TBC1D1: variants seen among roughly 807,000 people sequenced by gnomAD.
The protein encoded by TBC1D1 is TBC1 domain family member 1, also known as TBC1 (tre-2/USP6, BUB2, cdc16) domain family, member 1.
In TBC1D1, 89 loss-of-function variants were observed where a neutral mutation model predicts 125.6. That is an observed-to-expected ratio of 0.71 (90% CI 0.60 to 0.85). The LOEUF (loss-of-function observed/expected upper bound fraction) is 0.85. TBC1D1 is among the 40% of genes least tolerant of loss of function. The probability of loss-of-function intolerance (pLI) is 0.00; values close to 1 mark genes in which losing one functional copy is unlikely to be tolerated. For missense variants in TBC1D1, 1,377 were observed against 1,469.2 expected (o/e 0.94, Z 1.03); for synonymous variants, 565 against 564.1 (o/e 1.00, Z -0.02).
chr4:38,051,688 G>C (rs1240699322), intron 11 of TBC1D1, among the ~76,000 whole-genome samples: 2 of 152,162 alleles, frequency 1.3e-5, no homozygotes, highest in African/African-American at 4.8e-5. Flanking sequence ...GTCAAGAACG[G>C]CCGTCAATAT....
chr4:37,922,082 CT>C (rs1301616613), intron 2 of TBC1D1, among the ~76,000 whole-genome samples: 2 of 151,998 alleles, frequency 1.3e-5, no homozygotes, highest in South Asian at 2.1e-4. Context: ...TACCCTTCCA[CT>C]TTTTTTTCCT....
At chr4:37,913,089 A>G (rs1473903639) in intron 2 of TBC1D1, among the ~76,000 whole-genome samples, 1 of 152,224 alleles carries the variant, frequency 6.6e-6, no homozygotes, top group Non-Finnish European at 1.5e-5. Context: ...ATTAGGAAGT[A>G]GCTTGTTCTT....
chr4:37,950,507 T>A (rs1008913912), intron 2 of TBC1D1, among the ~76,000 whole-genome samples: 2 of 151,348 alleles, frequency 1.3e-5, no homozygotes, highest in African/African-American at 4.8e-5. Flanking sequence ...CTTCATTTTT[T>A]TAGAGTAGTT....
chr4:37,920,610 C>T (rs1041016044), intron 2 of TBC1D1, among the ~76,000 whole-genome samples: 2 of 152,040 alleles, frequency 1.3e-5, no homozygotes, highest in South Asian at 2.1e-4. Flanking sequence ...TGAAGTTCAG[C>T]GGAGTGGGCA....
In TBC1D1 at chr4:38,103,099, A is replaced by G. The variant is rs778206807; in HGVS notation, c.2499A>G (p.Pro833=). 6.2e-7 allele frequency: 1 copy of G among 1,614,174 alleles called. No homozygotes were observed. Among genetic ancestry groups the G allele is most frequent in the South Asian group, 1.1e-5 (1 of 91,080 alleles). Reference sequence around the variant, plus strand: ...GCAAACAGCAGCCAAAGGATGTGCCATACAAAGAACTCTTAAAGCAGCTGA... The same window carrying G: ...GCAAACAGCAGCCAAAGGATGTGCCGTACAAAGAACTCTTAAAGCAGCTGA... Residue 833 remains proline (P), a synonymous_variant, in exon 15 of 20, where the codon CCA becomes CCG. Transcript: ENST00000261439.
rs145195654 is a variant in TBC1D1, at chr4:38,015,646, G to C, written c.882+673G>C. 1.3e-3 allele frequency among the ~76,000 whole-genome samples: 193 copies of C among 152,244 alleles called. 4 individuals are homozygous for C. The East Asian group carries it at 0.031, about 24-fold the overall frequency. On this transcript the variant is annotated intron_variant, in intron 3 of 19. Coordinates refer to ENST00000261439, the MANE Select transcript of TBC1D1 (RefSeq NM_015173.4). ...AACGGATGAGATGTGGAGCTGTCCC[G>C]GCAGCGAGCCGGTCTCTGACAATGG...
Position 37,945,445 on chromosome 4 carries a change from G to A in TBC1D1, c.417+42933G>A, listed in dbSNP as rs192398742. Among the ~76,000 whole-genome samples, 429 of 144,416 alleles carry A rather than the reference G, an allele frequency of 3.0e-3. 2 individuals carry two copies. Among genetic ancestry groups the A allele is most frequent in the African/African-American group, 0.01 (400 of 39,082 alleles). The allele number at this position is 144,416 out of a possible 152,430, so 94.7% of individuals were successfully genotyped here. A position where few individuals can be genotyped will look rare whatever the true frequency, so the allele number is the denominator to read the frequency against. On this transcript the variant is annotated intron_variant, in intron 2 of 19. Coordinates refer to ENST00000261439, the MANE Select transcript of TBC1D1 (RefSeq NM_015173.4). ...GGAGAATCACTTGAACCTGGGAGGCGGAGGTTGCAGTGAGCCAAGATCACA... is the reference window on the plus strand; with the variant it reads ...GGAGAATCACTTGAACCTGGGAGGCAGAGGTTGCAGTGAGCCAAGATCACA...
At chr4:37,930,774 A>G (rs1723099594) in intron 2 of TBC1D1, among the ~76,000 whole-genome samples, 1 of 152,224 alleles carries the variant, frequency 6.6e-6, no homozygotes, top group African/African-American at 2.4e-5. Flanking sequence ...GCATGAAATA[A>G]ATACTAAGCA....
chr4:37,928,711 T>A (rs1321716937), intron 2 of TBC1D1, among the ~76,000 whole-genome samples: 3 of 152,264 alleles, frequency 2.0e-5, no homozygotes, highest in Non-Finnish European at 4.4e-5. Flanking sequence ...AGAGGAATTA[T>A]GACTGGCTGC....
chr4:38,095,800 A>G, intron 13 of TBC1D1, 129 bp from the exon 16 acceptor site: 2 of 919,444 alleles, frequency 2.2e-6, no homozygotes, highest in South Asian at 2.0e-5. Flanking sequence ...AGTGACTTAT[A>G]TTTAGACGCG....
chr4:38,108,290 T>C (rs1353252665), intron 15 of TBC1D1, among the ~76,000 whole-genome samples: 2 of 152,150 alleles, frequency 1.3e-5, no homozygotes, highest in African/African-American at 2.4e-5. Context: ...TAGAACACTT[T>C]CCAGCCATCA....
chr4:37,958,124 C>T (rs572472037), intron 2 of TBC1D1, among the ~76,000 whole-genome samples: 151 of 152,258 alleles, frequency 9.9e-4, no homozygotes, highest in Middle Eastern at 6.8e-3. Flanking sequence ...TTTATGGCGA[C>T]CAAGTTTACT....
intron 2 of TBC1D1, chr4:37,961,006 G>A: frequency 6.2e-7 from 1 of 1,614,204 alleles, no homozygotes; most frequent in South Asian, 1.1e-5. Context: ...GACCCTGGAT[G>A]TTGAATTGCC....
At chr4:38,063,250 C>G (rs992978019) in intron 12 of TBC1D1, among the ~76,000 whole-genome samples, 4 of 152,286 alleles carry the variant, frequency 2.6e-5, no homozygotes, top group African/African-American at 9.6e-5. Context: ...CAGCACGTGT[C>G]CAGGGTGCAA....
intron 2 of TBC1D1, among the ~76,000 whole-genome samples, chr4:37,927,657 T>C (rs1722399129): frequency 6.6e-6 from 1 of 152,228 alleles, no homozygotes. Flanking sequence ...AAATGTAATT[T>C]TATGGAAATA....
chr4:37,934,040 C>T (rs1723869332), intron 2 of TBC1D1, among the ~76,000 whole-genome samples: 1 of 152,162 alleles, frequency 6.6e-6, no homozygotes, highest in Admixed American at 6.5e-5. Context: ...AATAAAGACA[C>T]CTACACAGGC....
At chr4:38,071,227 G>A (rs992248747) in intron 12 of TBC1D1, among the ~76,000 whole-genome samples, 15 of 152,104 alleles carry the variant, frequency 9.9e-5, no homozygotes, top group African/African-American at 3.4e-4. Flanking sequence ...GCCATCCATG[G>A]TCACTTCCTG....
rs140403739 is a variant in TBC1D1, at chr4:38,091,821, G to T, written c.2236+1704G>T. Among the ~76,000 whole-genome samples the T allele has an allele frequency of 3.3e-3, 510 of 152,358 alleles. 2 individuals are homozygous for T. Among genetic ancestry groups the T allele is most frequent in the African/African-American group, 0.012 (479 of 41,590 alleles). ...GGTTACCTGGAACCCCTTGCCAGGT[G>T]TTGCATTAAGTTTACTGGCCCTTGC... is the stretch of plus-strand genomic sequence containing the variant. On this transcript the variant is annotated intron_variant, in intron 13 of 19. Coordinates refer to ENST00000261439, the MANE Select transcript of TBC1D1 (RefSeq NM_015173.4).
chr4:38,090,158 C>T, intron 13 of TBC1D1, 41 bp downstream of exon 15: 1 of 1,596,062 alleles, frequency 6.3e-7, no homozygotes. Flanking sequence ...CTGGTCTTAT[C>T]TTGGCTCTGA....
Sources: allele counts gnomAD v4.1 joint callset (sites outside exome capture counted in the v4.1 genomes callset), GRCh38; gene constraint gnomAD v4.1.1; transcripts MANE v1.5; gene names NCBI Gene and HGNC (gene_info 2026-07-23, HGNC 2026-07-21).